The following MON2 variants were observed in gnomAD, a reference collection of about 807,000 sequenced individuals.
MON2 encodes MON2 regulator of endosome-to-Golgi trafficking, also known as protein MON2 homolog.
In MON2, 84 loss-of-function variants were observed where a neutral mutation model predicts 208.6. The observed-to-expected ratio is 0.40, with a 90% confidence interval of 0.34 to 0.48. MON2 has a LOEUF of 0.48. MON2 is among the 20% of genes least tolerant of loss of function. The pLI, the probability that MON2 is intolerant of heterozygous loss-of-function variation, is 0.59. For missense variants in MON2, 1,611 were observed against 2,015.4 expected (o/e 0.80, Z 3.84); for synonymous variants, 660 against 694.0 (o/e 0.95, Z 0.77).
intron 26 of MON2, among the ~76,000 whole-genome samples, chr12:62,564,382 C>A (rs969561930): frequency 2.5e-4 from 38 of 151,734 alleles, no homozygotes; most frequent in African/African-American, 9.2e-4. Context: ...TCCTTTTTGT[C>A]TTATAAAGCA....
chr12:62,548,009 A>G (rs1315879152), intron 22 of MON2, among the ~76,000 whole-genome samples: 3 of 152,214 alleles, frequency 2.0e-5, no homozygotes. Flanking sequence ...ATGCCACAAA[A>G]TAAGAAACCT....
At chr12:62,581,168 C>G (rs2074990917) in intron 32 of MON2, among the ~76,000 whole-genome samples, 1 of 152,198 alleles carries the variant, frequency 6.6e-6, no homozygotes, top group Non-Finnish European at 1.5e-5. Flanking sequence ...TTATATCATG[C>G]TGCCTTAATT....
chr12:62,578,032 T>A (rs1298850559), intron 30 of MON2, among the ~76,000 whole-genome samples: 1 of 152,164 alleles, frequency 6.6e-6, no homozygotes, highest in Non-Finnish European at 1.5e-5. Flanking sequence ...TAATGATTAA[T>A]GGACTGTCTC....
At chr12:62,558,593 TTTAA>T (rs1454278608) in intron 25 of MON2, among the ~76,000 whole-genome samples, 1 of 152,200 alleles carries the variant, frequency 6.6e-6, no homozygotes, top group Non-Finnish European at 1.5e-5. Flanking sequence ...GTAGAAGTGT[TTTAA>T]TTGTTTGACA....
At chr12:62,553,332 C>T (rs1054599962) in intron 24 of MON2, 158 bp downstream of exon 24, 1 of 632,102 alleles carries the variant, frequency 1.6e-6, no homozygotes, top group Admixed American at 3.3e-5. Flanking sequence ...TAAATTGTAC[C>T]TCATAAAGAG....
chr12:62,592,086 C>T (rs530351079), intron 34 of MON2, among the ~76,000 whole-genome samples: 6 of 152,188 alleles, frequency 3.9e-5, no homozygotes, highest in African/African-American at 1.4e-4. Flanking sequence ...GATTAGCAAA[C>T]AGTACAAGAC....
intron 19 of MON2, among the ~76,000 whole-genome samples, chr12:62,541,374 CAAAA>C (rs34466096): frequency 1.8e-5 from 2 of 108,856 alleles, no homozygotes; most frequent in African/African-American, 3.3e-5. Context: ...AACTCTGTCT[CAAAA>C]AAAAAAAAAA....
chr12:62,492,656 C>A (rs935903281), intron 2 of MON2, among the ~76,000 whole-genome samples: 10 of 139,742 alleles, frequency 7.2e-5, no homozygotes, highest in African/African-American at 2.5e-4. Flanking sequence ...CAGGCGTGAG[C>A]CACCGCGCCC....
Position 62,537,487 on chromosome 12 carries a change from T to C in MON2, c.2014-115T>C, listed in dbSNP as rs1046748250. 19 of 804,264 alleles carry C rather than the reference T, an allele frequency of 2.4e-5. No homozygotes were observed. The African/African-American group carries it at 3.0e-4, about 13-fold the overall frequency. The allele number at this position is 804,264 out of a possible 1,614,324, so 49.8% of individuals were successfully genotyped here. ...TGTTCCTTATAAAACCTTCCAAATC[T>C]TTTTCTTAATTTTTTCTTTAAAAAA... On this transcript the variant is annotated intron_variant, in intron 15 of 34. Transcript: ENST00000393630.
At chr12:62,559,036 C>T (rs1025810895) in intron 25 of MON2, among the ~76,000 whole-genome samples, 1 of 152,062 alleles carries the variant, frequency 6.6e-6, no homozygotes, top group African/African-American at 2.4e-5. Context: ...GGGAAAGATG[C>T]ATATAACTAG....
intron 32 of MON2, 63 bp from the exon 33 acceptor site, chr12:62,585,231 T>G: frequency 7.7e-7 from 1 of 1,306,656 alleles, no homozygotes; most frequent in Non-Finnish European, 1.1e-6. Flanking sequence ...TTGCTAAGCA[T>G]TGTTATCATT....
chr12:62,529,550 A>G (rs935388537), intron 11 of MON2, among the ~76,000 whole-genome samples: 11 of 152,022 alleles, frequency 7.2e-5, no homozygotes, highest in African/African-American at 2.2e-4. Context: ...AGTAATTTCA[A>G]TTTTACTTTT....
chr12:62,475,933 C>T (rs534445450), intron 1 of MON2, among the ~76,000 whole-genome samples: 1 of 151,998 alleles, frequency 6.6e-6, no homozygotes, highest in South Asian at 2.1e-4. Flanking sequence ...ATCACTTGAA[C>T]CCGGGAGGTG....
At position 62,552,917 on chromosome 12, in the gene MON2, A is replaced by G; in HGVS notation, c.2953A>G (p.Thr985Ala). The G allele has an allele frequency of 6.2e-7, 1 of 1,613,932 alleles. No individual in the cohort carries two copies. The highest frequency in any genetic ancestry group is 8.5e-7 in the Non-Finnish European group (1 of 1,179,814). Residue 985 changes from threonine to alanine, a missense_variant, in exon 24 of 35, where the codon ACT becomes GCT. Physicochemically the swap from Thr to Ala is moderately conservative, Grantham distance 58. Coordinates refer to ENST00000393630, the MANE Select transcript of MON2 (RefSeq NM_015026.3). The part of the protein sequence containing the change: ...ISDYFFQRGE[T>A]IEKELNKEEA... ...AGATTATTTTTTCCAAAGAGGGGAAACTATTGAAAAAGAACTAAATAAGGA... is the reference window on the plus strand; with the variant it reads ...AGATTATTTTTTCCAAAGAGGGGAAGCTATTGAAAAAGAACTAAATAAGGA...
Position 62,546,971 on chromosome 12 carries a change from G to T in MON2, c.2652G>T (p.Gln884His), listed in dbSNP as rs761435846. 2 of 1,613,394 alleles carry T rather than the reference G, an allele frequency of 1.2e-6. No individual in the cohort carries two copies. Among genetic ancestry groups the T allele is most frequent in the Admixed American group, 3.3e-5 (2 of 59,998 alleles). Residue 884 changes from glutamine (Q) to histidine (H), a missense_variant, in exon 22 of 35, where the codon CAG becomes CAT. Physicochemically the swap from Gln to His is conservative, Grantham distance 24 (BLOSUM62 0). Coordinates refer to ENST00000393630, the MANE Select transcript of MON2 (RefSeq NM_015026.3). ...ATCATCCAGATATTCGACTCAAGCA[G>T]TTAGAATGCGTGTTGCAGATTCTGC... ...NINHPDIRLKQLECVLQILQS... is the reference protein window; with the variant it reads ...NINHPDIRLKHLECVLQILQS...
chr12:62,560,454 T>C, intron 25 of MON2, 37 bp from the exon 26 acceptor site: 2 of 1,544,448 alleles, frequency 1.3e-6, no homozygotes, highest in South Asian at 1.3e-5. Flanking sequence ...TTTGATCGCT[T>C]TTATGATAAT....
At chr12:62,544,615 T>C in intron 20 of MON2, 1 of 511,560 alleles carries the variant, frequency 2.0e-6, no homozygotes. Context: ...TTAATGAGGG[T>C]AAACTTAATT....
Position 62,580,395 on chromosome 12 carries a change from A to G in MON2, c.4674A>G (p.Ile1558Met), listed in dbSNP as rs766810710. 1.9e-6 allele frequency: 3 copies of G among 1,604,556 alleles called. No individual in the cohort carries two copies. The South Asian group carries it at 3.3e-5, about 18-fold the overall frequency. The change falls in exon 32 of 35, where the codon ATA (isoleucine) becomes ATG (methionine). Residue 1558 changes from isoleucine to methionine, a missense_variant. Ile to Met is a conservative substitution (Grantham distance 10, BLOSUM62 1). Coordinates refer to ENST00000393630, the MANE Select transcript of MON2 (RefSeq NM_015026.3). ...TGACAATGCTTAACAAGGGCTCAAT[A>G]CATTCTCAGTCATCTTCATTTACAG... Reference protein sequence around the residue: ...QIMTMLNKGSIHSQSSSFTEA... With the variant: ...QIMTMLNKGSMHSQSSSFTEA...
chr12:62,558,945 G>A (rs905857446), intron 25 of MON2, among the ~76,000 whole-genome samples: 5 of 152,086 alleles, frequency 3.3e-5, no homozygotes, highest in South Asian at 2.1e-4. Flanking sequence ...TGATCCACCC[G>A]CCTTGGCCTT....
Sources: allele counts gnomAD v4.1 joint callset (sites outside exome capture counted in the v4.1 genomes callset), GRCh38; gene constraint gnomAD v4.1.1; transcripts MANE v1.5; gene names NCBI Gene and HGNC (gene_info 2026-07-23, HGNC 2026-07-21).